Variants in TMPRSS11F observed in about 807,000 individuals in gnomAD.
TMPRSS11F encodes the protein transmembrane protease serine 11F.
In TMPRSS11F, 47 loss-of-function variants were observed where a neutral mutation model predicts 60.2. The ratio of observed to expected loss-of-function variants is 0.78; its 90% CI spans 0.62 to 1.00. The LOEUF (loss-of-function observed/expected upper bound fraction) is 1.00. Among genes scored for constraint, TMPRSS11F ranks in the 50% least tolerant of loss-of-function variants. The pLI, the probability that TMPRSS11F is intolerant of heterozygous loss-of-function variation, is 0.00. For synonymous variants in TMPRSS11F, 166 were observed against 167.3 expected (o/e 0.99, Z 0.06); for missense variants, 519 against 522.9 (o/e 0.99, Z 0.07).
chr4:68,103,592 T>A (rs1180290961), intron 1 of TMPRSS11F, among the ~76,000 whole-genome samples: 2 of 152,200 alleles, frequency 1.3e-5, no homozygotes, highest in Non-Finnish European at 2.9e-5. Flanking sequence ...AATCAGAAAG[T>A]GTGATGCCTC....
intron 1 of TMPRSS11F, among the ~76,000 whole-genome samples, chr4:68,118,196 A>G (rs1271160022): frequency 1.3e-5 from 2 of 152,196 alleles, no homozygotes; most frequent in African/African-American, 4.8e-5. Context: ...ATTATATTAA[A>G]TAATAATTTT....
chr4:68,107,311 T>C (rs1724322772), intron 1 of TMPRSS11F, among the ~76,000 whole-genome samples: 1 of 152,196 alleles, frequency 6.6e-6, no homozygotes, highest in Non-Finnish European at 1.5e-5. Flanking sequence ...ATGGAAAAGA[T>C]AGTTTGTGCA....
rs1723532117 is a variant in TMPRSS11F at position 68,073,954 on chromosome 4, A to G, written c.338T>C (p.Val113Ala). The part of the protein sequence containing the change: ...SVGGRFIKSH[V>A]IKLSPDEQGV... ...CAAATTTACATACCTTAATTTGATA[A>G]CATGAGATTTGATAAATCGACCGCC... is the stretch of plus-strand genomic sequence containing the variant. Residue 113 changes from valine to alanine, a missense_variant, in exon 4 of 10, where the codon GTT becomes GCT. Coordinates refer to ENST00000356291, the MANE Select transcript of TMPRSS11F (RefSeq NM_207407.2). The G allele has an allele frequency of 6.3e-7, 1 of 1,576,848 alleles. No homozygotes were observed. The highest frequency in any genetic ancestry group is 8.6e-7 in the Non-Finnish European group (1 of 1,163,774).
chr4:68,120,735 C>G (rs1724610796), intron 1 of TMPRSS11F, among the ~76,000 whole-genome samples: 1 of 151,448 alleles, frequency 6.6e-6, no homozygotes, highest in Non-Finnish European at 1.5e-5. Context: ...GCTTCATTGT[C>G]TTATTTTAAG....
chr4:68,112,985 T>C (rs1374361499), intron 1 of TMPRSS11F, among the ~76,000 whole-genome samples: 1 of 152,188 alleles, frequency 6.6e-6, no homozygotes, highest in African/African-American at 2.4e-5. Context: ...TTTTCTAATA[T>C]TATACAAATA....
Position 68,060,224 on chromosome 4 carries a change from T to C in TMPRSS11F, c.1016-756A>G, listed in dbSNP as rs183658825. ...CTAGATTAAGATATATTAGCAGTAG[T>C]TGGCCAGGCGTGGTGGCTCACACCT... On this transcript the variant is annotated intron_variant, in intron 8 of 9. Coordinates refer to ENST00000356291, the MANE Select transcript of TMPRSS11F (RefSeq NM_207407.2). Among the ~76,000 whole-genome samples, 248 of 151,540 alleles carry C rather than the reference T, an allele frequency of 1.6e-3. 1 individual carries two copies. Among genetic ancestry groups the C allele is most frequent in the African/African-American group, 5.8e-3 (241 of 41,320 alleles).
At chr4:68,072,226 A>ATATATATATATATATATTAC (rs61224244) in intron 5 of TMPRSS11F, 97 bp downstream of exon 5, 1 of 79,248 alleles carries the variant, frequency 1.3e-5, no homozygotes, top group African/African-American at 4.6e-5. Flanking sequence ...TCTTCCAAAA[A>ATATATATATATATATATTAC]AAAAATATAT....
chr4:68,064,588 A>G, intron 8 of TMPRSS11F, 97 bp downstream of exon 8: 2 of 1,367,994 alleles, frequency 1.5e-6, no homozygotes, highest in African/African-American at 2.9e-5. Context: ...AAAGACCATT[A>G]CTTTTATTAA....
chr4:68,121,114 T>C (rs13115007), intron 1 of TMPRSS11F, among the ~76,000 whole-genome samples: 43,528 of 152,076 alleles, frequency 0.29, 6,318 homozygotes, highest in East Asian at 0.48. Context: ...CCCACCCAGT[T>C]GGCTGGATCC....
intron 1 of TMPRSS11F, among the ~76,000 whole-genome samples, chr4:68,127,140 C>T (rs963552541): frequency 2.6e-5 from 4 of 152,184 alleles, no homozygotes; most frequent in African/African-American, 7.2e-5. Context: ...AGAATGATCA[C>T]TTCAGCTTTA....
At chr4:68,075,343 T>C (rs1350987501) in intron 3 of TMPRSS11F, among the ~76,000 whole-genome samples, 1 of 152,116 alleles carries the variant, frequency 6.6e-6, no homozygotes, top group African/African-American at 2.4e-5. Flanking sequence ...CCTCAGTTGT[T>C]CCCTCCGAAT....
chr4:68,065,083 A>T, intron 7 of TMPRSS11F, 139 bp from the exon 8 acceptor site: 1 of 783,604 alleles, frequency 1.3e-6, no homozygotes, highest in Non-Finnish European at 1.9e-6. Flanking sequence ...TGATAACATA[A>T]TAGGAAAAAA....
intron 1 of TMPRSS11F, among the ~76,000 whole-genome samples, chr4:68,119,378 G>C (rs1372748883): frequency 6.6e-6 from 1 of 152,182 alleles, no homozygotes; most frequent in Non-Finnish European, 1.5e-5. Context: ...TAAGATCCCT[G>C]ATAAAGGTGG....
rs1225317840 is a variant in TMPRSS11F at position 68,113,406 on chromosome 4, G to T, written c.12-14368C>A. On this transcript the variant is annotated intron_variant, in intron 1 of 9. Coordinates refer to ENST00000356291, the MANE Select transcript of TMPRSS11F (RefSeq NM_207407.2). ...TTTTCTTGACGGCCTACTGTAAAAT[G>T]AAAAATGTAAAAAAAAAAAAATGCA... Among the ~76,000 whole-genome samples, 5 of 98,600 alleles carry T rather than the reference G, an allele frequency of 5.1e-5. No individual in the cohort carries two copies. The South Asian group carries it at 1.4e-3, about 28-fold the overall frequency. The allele number at this position is 98,600 out of a possible 152,430, so 64.7% of individuals were successfully genotyped here. A position where few individuals can be genotyped will look rare whatever the true frequency, so the allele number is the denominator to read the frequency against.
chr4:68,065,086 G>A, intron 7 of TMPRSS11F, 142 bp from the exon 8 acceptor site: 3 of 756,602 alleles, frequency 4.0e-6, no homozygotes, highest in African/African-American at 3.5e-5. Flanking sequence ...TAACATAATA[G>A]GAAAAAAATT....
intron 3 of TMPRSS11F, among the ~76,000 whole-genome samples, chr4:68,076,708 GA>G (rs1236947886): frequency 1.3e-5 from 2 of 152,042 alleles, no homozygotes; most frequent in Non-Finnish European, 2.9e-5. Context: ...CATGGGAAAA[GA>G]AAAAAGGTTT....
chr4:68,092,378 C>G (rs1034751214), intron 2 of TMPRSS11F, among the ~76,000 whole-genome samples: 2 of 152,206 alleles, frequency 1.3e-5, no homozygotes, highest in African/African-American at 4.8e-5. Flanking sequence ...CTTATCATCA[C>G]AATTTTGTAT....
At chr4:68,059,572 TTTA>T in intron 8 of TMPRSS11F, 104 bp from the exon 9 acceptor site, 2 of 1,107,150 alleles carry the variant, frequency 1.8e-6, no homozygotes, top group Non-Finnish European at 2.5e-6. Context: ...CAAAGATTAT[TTTA>T]TTAACATTAG....
intron 3 of TMPRSS11F, among the ~76,000 whole-genome samples, chr4:68,085,422 C>T (rs1723792109): frequency 6.6e-6 from 1 of 152,084 alleles, no homozygotes; most frequent in African/African-American, 2.4e-5. Context: ...GTAATGATTG[C>T]CATTCTAACT....
Sources: gnomAD v4.1 joint callset for allele counts (sites outside exome capture counted in the v4.1 genomes callset) on GRCh38, gnomAD v4.1.1 for gene constraint, MANE v1.5 for transcripts, NCBI Gene and HGNC (gene_info 2026-07-23, HGNC 2026-07-21) for gene names.